NKTR: variants seen among roughly 807,000 people sequenced by gnomAD.
NKTR encodes natural killer cell triggering receptor, also known as NK-tumor recognition protein.
NKTR carries 67 observed loss-of-function variants against 156.3 expected under a neutral mutation model. The observed-to-expected ratio is 0.43, with a 90% confidence interval of 0.35 to 0.53. The LOEUF (loss-of-function observed/expected upper bound fraction) is 0.53, where lower values mean the gene tolerates loss of function less well. Among genes scored for constraint, NKTR ranks in the 20% least tolerant of loss-of-function variants. The pLI, the probability that NKTR is intolerant of heterozygous loss-of-function variation, is 0.01. For synonymous variants in NKTR, 640 were observed against 596.6 expected (o/e 1.07, Z -1.06); for missense variants, 1,604 against 1,730.9 (o/e 0.93, Z 1.30).
chr3:42,623,545 C>A (rs1363886190), intron 6 of NKTR, among the ~76,000 whole-genome samples: 1 of 152,014 alleles, frequency 6.6e-6, no homozygotes, highest in Non-Finnish European at 1.5e-5. Flanking sequence ...TAAAACATAT[C>A]CTTGCATTTA....
At chr3:42,624,009 C>T (rs189873479) in intron 6 of NKTR, among the ~76,000 whole-genome samples, 1 of 152,144 alleles carries the variant, frequency 6.6e-6, no homozygotes, top group East Asian at 1.9e-4. Flanking sequence ...GCAAGACATC[C>T]CTCAAGGATT....
chr3:42,604,379 C>T (rs1705967662), intron 2 of NKTR, among the ~76,000 whole-genome samples: 1 of 147,518 alleles, frequency 6.8e-6, no homozygotes, highest in Non-Finnish European at 1.5e-5. Flanking sequence ...GATTTGATAC[C>T]TTTTTTTTTT....
At chr3:42,610,316 A>G (rs1706662472) in intron 2 of NKTR, among the ~76,000 whole-genome samples, 1 of 152,064 alleles carries the variant, frequency 6.6e-6, no homozygotes. Flanking sequence ...TACATTGACT[A>G]GAATTTCTGA....
intron 2 of NKTR, among the ~76,000 whole-genome samples, chr3:42,607,223 T>C (rs1706320090): frequency 6.6e-6 from 1 of 152,108 alleles, no homozygotes; most frequent in Admixed American, 6.5e-5. Flanking sequence ...ACTTTTGACA[T>C]GGGGTGGGTG....
intron 5 of NKTR, chr3:42,620,651 G>C: frequency 8.1e-6 from 8 of 983,542 alleles, no homozygotes; most frequent in Non-Finnish European, 9.7e-6. Flanking sequence ...ATATAAGTTA[G>C]TTTTCAAGGA....
At chr3:42,614,399 A>G (rs796477579) in intron 2 of NKTR, among the ~76,000 whole-genome samples, 7 of 150,708 alleles carry the variant, frequency 4.6e-5, no homozygotes, top group African/African-American at 1.7e-4. Context: ...ATCACCGAAA[A>G]TATTTACTAA....
chr3:42,616,080 G>A (rs983877304), intron 2 of NKTR, among the ~76,000 whole-genome samples: 9 of 152,126 alleles, frequency 5.9e-5, no homozygotes, highest in East Asian at 1.9e-4. Context: ...ACCCATTAAC[G>A]ATGTCTATAA....
chr3:42,635,424 G>T, intron 12 of NKTR, 58 bp downstream of exon 12: 4 of 1,347,134 alleles, frequency 3.0e-6, no homozygotes, highest in Non-Finnish European at 4.1e-6. Flanking sequence ...ATGTTAAAGG[G>T]ATTGGATACA....
In NKTR at chr3:42,637,347, G is replaced by C. The variant is rs751782057; in HGVS notation, c.1643G>C (p.Arg548Thr). 2.5e-6 allele frequency: 4 copies of C among 1,614,058 alleles called. No homozygotes were observed. Among genetic ancestry groups the C allele is most frequent in the African/African-American group, 2.7e-5 (2 of 74,920 alleles). ...ASKSSSHSRSRSKSRSSSKSG... is the reference protein window; with the variant it reads ...ASKSSSHSRSTSKSRSSSKSG... The stretch of plus-strand genomic sequence containing the variant: ...AAGTCCTCATCACATTCTCGAAGTA[G>C]ATCAAAGTCCAGATCTAGTTCCAAG... The change falls in exon 13 of 17, where the codon AGA becomes ACA. Residue 548 changes from arginine to threonine, a missense_variant. By Grantham distance (71) the Arg-to-Thr change is moderately conservative (BLOSUM62 -1). This residue lies in a region of NKTR where 1,255 missense variants were observed against 1,243.7 expected (regional missense o/e 1.01). Coordinates refer to ENST00000232978, the MANE Select transcript of NKTR (RefSeq NM_005385.4).
chr3:42,616,852 T>C (rs756083945), intron 2 of NKTR, among the ~76,000 whole-genome samples: 1 of 152,152 alleles, frequency 6.6e-6, no homozygotes, highest in Non-Finnish European at 1.5e-5. Context: ...CTTGAAATCC[T>C]GGGCTCAAGT....
At chr3:42,633,860 G>A (rs1383512086) in intron 10 of NKTR, 125 bp downstream of exon 10, 2 of 1,032,212 alleles carry the variant, frequency 1.9e-6, no homozygotes, top group Non-Finnish European at 1.4e-6. Context: ...GATAGTATGG[G>A]AGTATTAGAT....
At chr3:42,620,335 C>A in intron 5 of NKTR, 1 of 1,142,826 alleles carries the variant, frequency 8.8e-7, no homozygotes, top group Non-Finnish European at 1.1e-6. Context: ...TGTATGTTTT[C>A]TTTTGTATAT....
chr3:42,618,983 A>G (rs371376401), intron 3 of NKTR, 37 bp from the exon 4 acceptor site: 1 of 1,528,110 alleles, frequency 6.5e-7, no homozygotes, highest in Non-Finnish European at 8.8e-7. Flanking sequence ...TGTATAAATA[A>G]TTAAACTTCA....
At chr3:42,601,209 AG>A in intron 2 of NKTR, 145 bp downstream of exon 2, 1 of 609,860 alleles carries the variant, frequency 1.6e-6, no homozygotes, top group Non-Finnish European at 2.7e-6. Flanking sequence ...AGAGAAAATC[AG>A]TGGGAGAGGA....
chr3:42,636,757 T>C (rs1263217208), intron 12 of NKTR, 111 bp from the exon 13 acceptor site: 22 of 1,412,440 alleles, frequency 1.6e-5, no homozygotes, highest in South Asian at 1.9e-5. Context: ...GCTTCCTGCG[T>C]GTGCTTAAAG....
At chr3:42,640,549 C>T (rs1282325409) in intron 13 of NKTR, among the ~76,000 whole-genome samples, 1 of 152,146 alleles carries the variant, frequency 6.6e-6, no homozygotes, top group South Asian at 2.1e-4. Context: ...GAATCTTTGA[C>T]GTTTGTTTCC....
At chr3:42,633,332 A>G (rs752346168) in intron 9 of NKTR, 33 of 1,250,684 alleles carry the variant, frequency 2.6e-5, no homozygotes, top group Non-Finnish European at 3.2e-5. Flanking sequence ...GTGAGCCACA[A>G]TGCCTGGCCT....
At chr3:42,615,640 A>G (rs1163059234) in intron 2 of NKTR, among the ~76,000 whole-genome samples, 5 of 152,134 alleles carry the variant, frequency 3.3e-5, no homozygotes, top group African/African-American at 4.8e-5. Flanking sequence ...GAAAAGCCCT[A>G]TGTTTTGATT....
intron 7 of NKTR, 104 bp downstream of exon 7, chr3:42,630,679 G>A (rs542582930): frequency 1.0e-5 from 16 of 1,545,446 alleles, no homozygotes; most frequent in Admixed American, 4.0e-5. Flanking sequence ...TTGATGTCTG[G>A]CTTAATCTCA....
Sources: gnomAD v4.1 joint callset for allele counts (sites outside exome capture counted in the v4.1 genomes callset) on GRCh38, gnomAD v4.1.1 for gene constraint, gnomAD v4.1.1 regional missense constraint, MANE v1.5 for transcripts, NCBI Gene and HGNC (gene_info 2026-07-23, HGNC 2026-07-21) for gene names.